The following B3GALT1 variants were observed in gnomAD, a reference collection of about 807,000 sequenced individuals.
B3GALT1 encodes UDP-Gal:betaGlcNAc beta 1,3-galactosyltransferase, polypeptide 1.
A neutral mutation model predicts 23.2 loss-of-function variants in B3GALT1; 10 were observed. That is an observed-to-expected ratio of 0.43 (90% CI 0.27 to 0.73). The LOEUF is 0.73. Among genes scored for constraint, B3GALT1 ranks in the 30% least tolerant of loss-of-function variants. The pLI is 0.21. For missense variants in B3GALT1, 299 were observed against 405.4 expected (o/e 0.74, Z 2.25); for synonymous variants, 156 against 141.5 (o/e 1.10, Z -0.73).
chr2:167,313,448 C>A (rs753980384), intron 1 of B3GALT1, among the ~76,000 whole-genome samples: 2 of 152,004 alleles, frequency 1.3e-5, no homozygotes, highest in Non-Finnish European at 2.9e-5. Flanking sequence ...AAAGAGATAC[C>A]TGTATATAGA....
intron 2 of B3GALT1, among the ~76,000 whole-genome samples, chr2:167,517,881 T>C (rs1223332346): frequency 6.6e-6 from 1 of 152,098 alleles, no homozygotes; most frequent in Non-Finnish European, 1.5e-5. Context: ...GATAAAATCC[T>C]TAACTCTAAT....
chr2:167,334,386 T>C (rs192714393), intron 1 of B3GALT1, among the ~76,000 whole-genome samples: 34 of 152,314 alleles, frequency 2.2e-4, no homozygotes, highest in African/African-American at 8.2e-4. Context: ...CCATGCTTTA[T>C]AATTCATTAT....
rs570304397 is a variant in B3GALT1, at chr2:167,805,544, A to G, written c.-351-13128A>G. Reference sequence around the variant, plus strand: ...GAGATCCAGTTTCAGCTTTCTACATATGGCTAGCCAGTTTTCCCAGCACCA... The same window carrying G: ...GAGATCCAGTTTCAGCTTTCTACATGTGGCTAGCCAGTTTTCCCAGCACCA... On this transcript the variant is annotated intron_variant, in intron 3 of 4. Coordinates refer to ENST00000392690, the MANE Select transcript of B3GALT1 (RefSeq NM_020981.4). Among the ~76,000 whole-genome samples the G allele has an allele frequency of 4.6e-5, 7 of 152,290 alleles. No individual in the cohort carries two copies. The East Asian group carries it at 1.4e-3, about 29-fold the overall frequency.
intron 2 of B3GALT1, among the ~76,000 whole-genome samples, chr2:167,547,729 C>T (rs945446981): frequency 6.6e-6 from 1 of 150,576 alleles, no homozygotes; most frequent in Non-Finnish European, 1.5e-5. Flanking sequence ...GTCACAGAGG[C>T]AGTGAGTGGC....
chr2:167,397,136 C>G (rs1010328998), intron 1 of B3GALT1, among the ~76,000 whole-genome samples: 1 of 151,992 alleles, frequency 6.6e-6, no homozygotes, highest in African/African-American at 2.4e-5. Flanking sequence ...CTTATATACT[C>G]TTAGGTGAAA....
chr2:167,471,535 A>T (rs1266549782), intron 1 of B3GALT1, among the ~76,000 whole-genome samples: 1 of 152,182 alleles, frequency 6.6e-6, no homozygotes, highest in Non-Finnish European at 1.5e-5. Context: ...GCTGATGCAG[A>T]GTTTGGTAGA....
chr2:167,366,925 G>T (rs1170945101), intron 1 of B3GALT1, among the ~76,000 whole-genome samples: 3 of 152,196 alleles, frequency 2.0e-5, no homozygotes, highest in Admixed American at 2.0e-4. Context: ...AAGGCAGAAG[G>T]TGCCAGGCCT....
chr2:167,504,687 G>A (rs1699895592), intron 2 of B3GALT1, among the ~76,000 whole-genome samples: 1 of 152,060 alleles, frequency 6.6e-6, no homozygotes, highest in Admixed American at 6.6e-5. Flanking sequence ...ATATGATGGT[G>A]GTCTCACAGA....
At chr2:167,849,875 G>A (rs1226692793) in intron 4 of B3GALT1, among the ~76,000 whole-genome samples, 2 of 145,018 alleles carry the variant, frequency 1.4e-5, no homozygotes, top group Non-Finnish European at 3.0e-5. Context: ...CGGGAAAAGA[G>A]CGAGACTCTG....
intron 3 of B3GALT1, among the ~76,000 whole-genome samples, chr2:167,779,702 A>G (rs892594781): frequency 6.6e-6 from 1 of 152,166 alleles, no homozygotes; most frequent in Admixed American, 6.5e-5. Context: ...AGTTCAGTGC[A>G]CAGGGCCAAA....
chr2:167,776,302 A>G (rs1688160990), intron 3 of B3GALT1, among the ~76,000 whole-genome samples: 1 of 152,196 alleles, frequency 6.6e-6, no homozygotes, highest in South Asian at 2.1e-4. Flanking sequence ...TTTTTCCTCA[A>G]CTATGCTCCG....
chr2:167,742,594 G>A (rs1368096177), intron 3 of B3GALT1, among the ~76,000 whole-genome samples: 5 of 152,148 alleles, frequency 3.3e-5, no homozygotes, highest in African/African-American at 7.2e-5. Flanking sequence ...AGATGACTAC[G>A]TAGCAGAAAG....
At chr2:167,833,408 A>G (rs891384823) in intron 4 of B3GALT1, among the ~76,000 whole-genome samples, 2 of 152,216 alleles carry the variant, frequency 1.3e-5, no homozygotes, top group Non-Finnish European at 2.9e-5. Flanking sequence ...AAATAGAGGC[A>G]CTAGGGATTA....
In B3GALT1 at chr2:167,440,109, C is replaced by T. The variant is rs906505067; in HGVS notation, c.-510-50068C>T. 9.2e-5 allele frequency among the ~76,000 whole-genome samples: 14 copies of T among 151,676 alleles called. No individual in the cohort carries two copies. The South Asian group carries it at 1.5e-3, about 16-fold the overall frequency. ...CTGTAATCCCAGCACTTTGGGAGGC[C>T]GAGGCGGGCGGATCACGAGGTCAGG... On this transcript the variant is annotated intron_variant, in intron 1 of 4. Coordinates refer to ENST00000392690, the MANE Select transcript of B3GALT1 (RefSeq NM_020981.4).
intron 1 of B3GALT1, among the ~76,000 whole-genome samples, chr2:167,382,405 T>A (rs1697858191): frequency 1.3e-5 from 2 of 152,096 alleles, no homozygotes; most frequent in African/African-American, 2.4e-5. Context: ...TGCTTATGGT[T>A]AAAAATTGTA....
chr2:167,617,164 C>T (rs1685174951), intron 2 of B3GALT1, among the ~76,000 whole-genome samples: 1 of 151,990 alleles, frequency 6.6e-6, no homozygotes, highest in African/African-American at 2.4e-5. Flanking sequence ...AACTTAAAGC[C>T]TCATGGTCAT....
intron 3 of B3GALT1, among the ~76,000 whole-genome samples, chr2:167,666,293 G>T: frequency 6.6e-6 from 1 of 152,164 alleles, no homozygotes; most frequent in Admixed American, 6.5e-5. Flanking sequence ...GTTCTAGTTT[G>T]ATTGCACTGT....
At position 167,825,463 on chromosome 2, in the gene B3GALT1, C is replaced by T. The variant is rs984551107; in HGVS notation, c.-230+6670C>T. 9.8e-4 allele frequency among the ~76,000 whole-genome samples: 129 copies of T among 132,276 alleles called. 2 individuals carry two copies. The highest frequency in any genetic ancestry group is 3.7e-3 in the African/African-American group (116 of 30,982). The allele number at this position is 132,276 out of a possible 152,430, so 86.8% of individuals were successfully genotyped here. On this transcript the variant is annotated intron_variant, in intron 4 of 4. Transcript: ENST00000392690. Reference sequence around the variant, plus strand: ...GTGTGTGTGTGTGTGTGTGCGTGCACGTGTGTGTGTGTGTTATATATAAAT... The same window carrying T: ...GTGTGTGTGTGTGTGTGTGCGTGCATGTGTGTGTGTGTGTTATATATAAAT...
At chr2:167,415,252 A>G (rs751741114) in intron 1 of B3GALT1, among the ~76,000 whole-genome samples, 34 of 152,122 alleles carry the variant, frequency 2.2e-4, no homozygotes, top group Non-Finnish European at 4.4e-4. Context: ...TGGTGGCTTT[A>G]TAAGAAGAGG....
Sources: allele counts gnomAD v4.1 joint callset (sites outside exome capture counted in the v4.1 genomes callset), GRCh38; gene constraint gnomAD v4.1.1; transcripts MANE v1.5; gene names NCBI Gene and HGNC (gene_info 2026-07-23, HGNC 2026-07-21).